Variants in CCDC102B observed in about 807,000 individuals in gnomAD.
The protein encoded by CCDC102B is coiled-coil domain-containing protein 102B.
CCDC102B carries 75 observed loss-of-function variants against 57.4 expected under a neutral mutation model. The ratio of observed to expected loss-of-function variants is 1.31; its 90% CI spans 1.08 to 1.58. The LOEUF is 1.58. CCDC102B is among the 40% of genes most tolerant of loss of function. The pLI is 0.00. For synonymous variants in CCDC102B, 206 were observed against 201.9 expected (o/e 1.02, Z -0.17); for missense variants, 636 against 582.6 (o/e 1.09, Z -0.94).
At chr18:68,889,588 TTTTG>T (rs374805210) in intron 5 of CCDC102B, among the ~76,000 whole-genome samples, 7 of 151,984 alleles carry the variant, frequency 4.6e-5, no homozygotes, top group East Asian at 1.9e-4. Flanking sequence ...CCCGGCTAAT[TTTTG>T]TTTGTTTGTT....
At chr18:68,956,794 GC>G (rs1401712396) in intron 6 of CCDC102B, among the ~76,000 whole-genome samples, 1 of 149,494 alleles carries the variant, frequency 6.7e-6, no homozygotes, top group African/African-American at 2.5e-5. Flanking sequence ...AGAATTTATT[GC>G]CTGTCTTTTG....
chr18:68,888,365 A>G (rs2039961510), intron 5 of CCDC102B, among the ~76,000 whole-genome samples: 1 of 152,222 alleles, frequency 6.6e-6, no homozygotes, highest in Non-Finnish European at 1.5e-5. Context: ...TAGTTCAGTG[A>G]TAGAATATAC....
chr18:68,972,649 A>C lies in CCDC102B; in HGVS notation c.1264-38285A>C, dbSNP rs566613099. Among the ~76,000 whole-genome samples, 6 of 152,332 alleles carry C rather than the reference A, an allele frequency of 3.9e-5. No individual in the cohort carries two copies. In the East Asian group the frequency reaches 1.2e-3, roughly 29 times the overall value. ...TTTCAGTAAATTGAATTTTAGTTTT[A>C]GGAATCTGCACAGAGAGACATTAGG... is the stretch of plus-strand genomic sequence containing the variant. On this transcript the variant is annotated intron_variant, in intron 6 of 7. Coordinates refer to ENST00000360242, the MANE Select transcript of CCDC102B (RefSeq NM_024781.3).
chr18:68,717,747 C>T lies in CCDC102B; in HGVS notation c.-67+1153C>T, dbSNP rs183801448. Among the ~76,000 whole-genome samples, 3 of 151,930 alleles carry T rather than the reference C, an allele frequency of 2.0e-5. No individual in the cohort carries two copies. In the East Asian group the frequency reaches 5.8e-4, roughly 29 times the overall value. On this transcript the variant is annotated intron_variant, in intron 2 of 3. Transcript: ENST00000578970. ...TTAAAAGATTCTACTATTTTGACAA[C>T]ATTTTTTAAAAGACTTTCAGATAAG... is the stretch of plus-strand genomic sequence containing the variant.
intron 7 of CCDC102B, among the ~76,000 whole-genome samples, chr18:69,016,964 A>G (rs967573769): frequency 6.6e-6 from 1 of 152,178 alleles, no homozygotes; most frequent in African/African-American, 2.4e-5. Context: ...TATCTAATGG[A>G]GAATATTAAC....
At chr18:68,779,160 G>C (rs1224665890) in intron 2 of CCDC102B, among the ~76,000 whole-genome samples, 3 of 151,860 alleles carry the variant, frequency 2.0e-5, no homozygotes, top group African/African-American at 7.3e-5. Flanking sequence ...AAATAAAAAT[G>C]CCCAAAATTT....
intron 6 of CCDC102B, among the ~76,000 whole-genome samples, chr18:68,955,412 G>C (rs2049817334): frequency 1.3e-5 from 2 of 152,018 alleles, no homozygotes; most frequent in South Asian, 4.2e-4. Flanking sequence ...ATTTATAAAG[G>C]AAAACCTTGA....
intron 7 of CCDC102B, among the ~76,000 whole-genome samples, chr18:69,013,632 C>T (rs1037211027): frequency 1.3e-5 from 2 of 152,164 alleles, no homozygotes; most frequent in Non-Finnish European, 2.9e-5. Context: ...TCCTGTAATA[C>T]ACTGGAAAGC....
chr18:69,056,647 A>AGATC (rs1236276260), downstream of CCDC102B, among the ~76,000 whole-genome samples: 2 of 150,466 alleles, frequency 1.3e-5, no homozygotes, highest in African/African-American at 4.9e-5. Context: ...ATAGATAGAT[A>AGATC]GATAGATAGA....
downstream of CCDC102B, chr18:69,055,339 G>T: frequency 5.6e-6 from 1 of 179,678 alleles, no homozygotes; most frequent in Non-Finnish European, 1.1e-5. Context: ...TGTTTGCTAG[G>T]CTGTGTAGTA....
chr18:68,998,216 C>T (rs1898500298), intron 6 of CCDC102B, among the ~76,000 whole-genome samples: 1 of 151,570 alleles, frequency 6.6e-6, no homozygotes, highest in African/African-American at 2.4e-5. Context: ...AACAAGCTTG[C>T]ATATGCAAGC....
chr18:68,947,487 A>G lies in CCDC102B; in HGVS notation c.1263+50059A>G, dbSNP rs1304532772. ...GAAGTAGAGGGAGAGAGATGGCTAT[A>G]TTTCTTTAGTTTGTAATGGATTTAG... On this transcript the variant is annotated intron_variant, in intron 6 of 7. Transcript: ENST00000360242. 2.6e-5 allele frequency among the ~76,000 whole-genome samples: 4 copies of G among 152,052 alleles called. No individual in the cohort carries two copies. In the East Asian group the frequency reaches 7.8e-4, roughly 30 times the overall value.
At chr18:68,749,161 C>T (rs916439059) in intron 2 of CCDC102B, among the ~76,000 whole-genome samples, 3 of 152,126 alleles carry the variant, frequency 2.0e-5, no homozygotes, top group African/African-American at 7.2e-5. Flanking sequence ...CAGTACCATG[C>T]TGTTTTGGTT....
chr18:68,838,825 A>G lies in CCDC102B; in HGVS notation c.726A>G (p.Arg242=). 6.2e-7 allele frequency: 1 copy of G among 1,614,004 alleles called. No homozygotes were observed. The highest frequency in any genetic ancestry group is 8.5e-7 in the Non-Finnish European group (1 of 1,179,956). ...ACGGTGAAACGAAAACTGGGCTGAG[A>G]CTGAAAGCAATAAATCTGCCTTTGG... ...SGNGETKTGL[R]LKAINLPLEN... The change falls in exon 3 of 8, where the codon AGA becomes AGG. Residue 242 remains arginine, a synonymous_variant. Transcript: ENST00000360242.
rs144635434 is a variant in CCDC102B at position 68,980,450 on chromosome 18, A to T, written c.1264-30484A>T. ...CAAACTCTTTGCTCTGGAGCAGTTT[A>T]TATTATAGGACATGTAGTCAATCAA... is the stretch of plus-strand genomic sequence containing the variant. On this transcript the variant is annotated intron_variant, in intron 6 of 7. Transcript: ENST00000360242. 9.9e-5 allele frequency among the ~76,000 whole-genome samples: 15 copies of T among 151,338 alleles called. No homozygotes were observed. The East Asian group carries it at 2.7e-3, about 28-fold the overall frequency.
rs1301629816 is a variant in CCDC102B, at chr18:68,733,478, TTATATA to T, written c.-67+16908_-67+16913del. Among the ~76,000 whole-genome samples the T allele has an allele frequency of 2.8e-4, 7 of 25,132 alleles. No individual in the cohort carries two copies. The Admixed American group carries it at 3.0e-3, about 11-fold the overall frequency. The allele number at this position is 25,132 out of a possible 152,430, so 16.5% of individuals were successfully genotyped here. A position where few individuals can be genotyped will look rare whatever the true frequency, so the allele number is the denominator to read the frequency against. The stretch of plus-strand genomic sequence containing the variant: ...CCTTAGAGTCACAAGTTAGACAACT[TTATATA>T]TATATATATATATATATATATATTT... On this transcript the variant is annotated intron_variant, in intron 2 of 3. Transcript: ENST00000578970.
chr18:68,865,432 G>C (rs1274658217), intron 4 of CCDC102B, among the ~76,000 whole-genome samples: 2 of 152,060 alleles, frequency 1.3e-5, no homozygotes, highest in Non-Finnish European at 2.9e-5. Flanking sequence ...TTTATGGAGA[G>C]ATTTGTAGAC....
intron 1 of CCDC102B, among the ~76,000 whole-genome samples, chr18:68,812,438 T>C (rs920603852): frequency 6.6e-6 from 1 of 152,172 alleles, no homozygotes; most frequent in Non-Finnish European, 1.5e-5. Flanking sequence ...GATTACTGGA[T>C]TATGGTCATT....
At chr18:68,757,458 G>C (rs557470129) in intron 2 of CCDC102B, among the ~76,000 whole-genome samples, 1 of 151,934 alleles carries the variant, frequency 6.6e-6, no homozygotes. Context: ...TAATTTTATT[G>C]GGTAAAACTA....
Sources: gnomAD v4.1 joint callset for allele counts (sites outside exome capture counted in the v4.1 genomes callset) on GRCh38, gnomAD v4.1.1 for gene constraint, MANE v1.5 for transcripts, NCBI Gene and HGNC (gene_info 2026-07-23, HGNC 2026-07-21) for gene names.